PRR5L: variants seen among roughly 807,000 people sequenced by gnomAD.
The protein encoded by PRR5L is proline rich 5 like, also known as proline-rich protein 5-like.
Under a neutral mutation model 36.4 loss-of-function variants are expected in PRR5L, and 21 were observed. The observed-to-expected ratio is 0.58, with a 90% CI of 0.41 to 0.83. PRR5L has a LOEUF of 0.83. PRR5L is among the 40% of genes least tolerant of loss of function. The pLI is 0.00. For missense variants in PRR5L, 381 were observed against 473.3 expected, an observed-to-expected ratio of 0.80 and a Z score of 1.81; for synonymous variants, 188 against 197.0, an observed-to-expected ratio of 0.95 and a Z score of 0.38.
At chr11:36,350,059 A>G (rs1402078911) in intron 1 of PRR5L, 2 of 152,170 alleles carry the variant, frequency 1.3e-5, no homozygotes, top group Admixed American at 1.3e-4. Flanking sequence ...ACCCTGGAGA[A>G]AAAGAGGTCA....
intron 1 of PRR5L, among the ~76,000 whole-genome samples, chr11:36,359,341 GGAGA>G (rs545809448): frequency 3.7e-4 from 56 of 152,274 alleles, no homozygotes; most frequent in Non-Finnish European, 5.6e-4. Flanking sequence ...CTTCGGTGTT[GGAGA>G]GAGAGGTGAT....
chr11:36,397,090 T>C lies in PRR5L; in HGVS notation c.-125-3907T>C, dbSNP rs544357970. On this transcript the variant is annotated intron_variant, in intron 1 of 8. Coordinates refer to ENST00000530639, the MANE Select transcript of PRR5L (RefSeq NM_001160167.2). Reference sequence around the variant, plus strand: ...TTCTTTTTTTTTTTTTTTTTTGAGATGGAGTCTTGCTCTGTTGCCCAGGCT... The same window carrying C: ...TTCTTTTTTTTTTTTTTTTTTGAGACGGAGTCTTGCTCTGTTGCCCAGGCT... Among the ~76,000 whole-genome samples the C allele has an allele frequency of 1.2e-4, 17 of 146,924 alleles. No homozygotes were observed. The East Asian group carries it at 3.2e-3, about 28-fold the overall frequency.
At chr11:36,400,963 G>C (rs1298495164) in intron 1 of PRR5L, 34 bp from the exon 2 acceptor site, 1 of 1,421,552 alleles carries the variant, frequency 7.0e-7, no homozygotes, top group African/African-American at 1.4e-5. Flanking sequence ...TCTCAGGCCA[G>C]GAGTTCTCAA....
At chr11:36,372,209 A>G (rs1200703931) in intron 1 of PRR5L, among the ~76,000 whole-genome samples, 1 of 152,134 alleles carries the variant, frequency 6.6e-6, no homozygotes, top group Non-Finnish European at 1.5e-5. Context: ...TTGCCTGTGT[A>G]TAACTTCAAA....
chr11:36,319,840 T>A (rs771848540), intron 1 of PRR5L, among the ~76,000 whole-genome samples: 1 of 152,172 alleles, frequency 6.6e-6, no homozygotes, highest in East Asian at 1.9e-4. Context: ...AAATAAAGCA[T>A]AGACAAATTA....
rs553950273 is a variant in PRR5L, at chr11:36,415,753, C to T, written c.246-3502C>T. 2.0e-5 allele frequency among the ~76,000 whole-genome samples: 3 copies of T among 151,878 alleles called. No individual in the cohort carries two copies. The South Asian group carries it at 6.2e-4, about 31-fold the overall frequency. Reference sequence around the variant, plus strand: ...AGTGCAACTCTGTCTCAATAAAAAACAGTTAATTAATTAAAAAATAAATAA... The same window carrying T: ...AGTGCAACTCTGTCTCAATAAAAAATAGTTAATTAATTAAAAAATAAATAA... On this transcript the variant is annotated intron_variant, in intron 3 of 8. Coordinates refer to ENST00000530639, the MANE Select transcript of PRR5L (RefSeq NM_001160167.2).
chr11:36,327,127 A>G (rs1205851903), intron 1 of PRR5L, among the ~76,000 whole-genome samples: 2 of 152,236 alleles, frequency 1.3e-5, no homozygotes, highest in African/African-American at 2.4e-5. Context: ...AGGAGGAAAT[A>G]CTTCTCCTTT....
chr11:36,351,283 TATA>T (rs369958889), intron 1 of PRR5L, among the ~76,000 whole-genome samples: 1,860 of 23,100 alleles, frequency 0.081, 158 homozygotes, highest in East Asian at 0.51. Context: ...TATATATATG[TATA>T]TTTATATATT....
intron 1 of PRR5L, chr11:36,375,941 C>T (rs2133517631): frequency 5.5e-6 from 2 of 364,314 alleles, no homozygotes; most frequent in East Asian, 7.4e-5. Flanking sequence ...CTCTCTTCAG[C>T]TCCGCCCTGC....
chr11:36,380,214 T>C (rs941918258), intron 1 of PRR5L, among the ~76,000 whole-genome samples: 1 of 152,072 alleles, frequency 6.6e-6, no homozygotes, highest in African/African-American at 2.4e-5. Flanking sequence ...ATTCTGACAG[T>C]AGTGATGCCA....
intron 8 of PRR5L, among the ~76,000 whole-genome samples, chr11:36,460,841 T>C (rs1248305498): frequency 6.6e-6 from 1 of 152,240 alleles, no homozygotes; most frequent in Non-Finnish European, 1.5e-5. Context: ...TGGAGTCTGT[T>C]CCAGCCAGGC....
At chr11:36,371,203 G>A (rs1199099280) in intron 1 of PRR5L, among the ~76,000 whole-genome samples, 5 of 152,086 alleles carry the variant, frequency 3.3e-5, no homozygotes, top group Non-Finnish European at 7.4e-5. Flanking sequence ...CAGACTTCAG[G>A]GTTCTCAATT....
At chr11:36,351,307 T>G (rs1286618869) in intron 1 of PRR5L, among the ~76,000 whole-genome samples, 1 of 73,054 alleles carries the variant, frequency 1.4e-5, no homozygotes, top group Non-Finnish European at 2.3e-5. Flanking sequence ...TATATATATA[T>G]TTATATATAT....
intron 3 of PRR5L, among the ~76,000 whole-genome samples, chr11:36,408,669 A>G (rs1380476772): frequency 6.6e-6 from 1 of 152,170 alleles, no homozygotes; most frequent in Non-Finnish European, 1.5e-5. Context: ...AGTCTGGGTT[A>G]GAGGTTTGGG....
chr11:36,374,109 T>TTCCTGC (rs1351828227), intron 1 of PRR5L, among the ~76,000 whole-genome samples: 1,070 of 74,118 alleles, frequency 0.014, 22 homozygotes, highest in Non-Finnish European at 0.021. Flanking sequence ...TTCCTTCCTC[T>TTCCTGC]CTCTCTCTCT....
chr11:36,387,751 T>C (rs926790070), intron 1 of PRR5L, among the ~76,000 whole-genome samples: 8 of 152,182 alleles, frequency 5.3e-5, no homozygotes, highest in African/African-American at 1.9e-4. Flanking sequence ...AGGCTTACCT[T>C]ATACCTGGCT....
chr11:36,306,926 C>A (rs1449911058), intron 1 of PRR5L, among the ~76,000 whole-genome samples: 1 of 152,084 alleles, frequency 6.6e-6, no homozygotes, highest in Non-Finnish European at 1.5e-5. Context: ...AATAAAAGCA[C>A]CCCCCACATC....
chr11:36,423,947 C>G (rs1027096634), intron 4 of PRR5L, among the ~76,000 whole-genome samples: 27 of 152,216 alleles, frequency 1.8e-4, no homozygotes, highest in African/African-American at 6.3e-4. Flanking sequence ...TCTTGGGCTA[C>G]TCGCTGTGGG....
At chr11:36,357,119 TTGGA>T (rs2133498466) in intron 1 of PRR5L, among the ~76,000 whole-genome samples, 1 of 152,280 alleles carries the variant, frequency 6.6e-6, no homozygotes, top group African/African-American at 2.4e-5. Context: ...TGTTAGTGGT[TTGGA>T]TGGATGATCA....
Sources: allele counts gnomAD v4.1 joint callset (sites outside exome capture counted in the v4.1 genomes callset), GRCh38; gene constraint gnomAD v4.1.1; transcripts MANE v1.5; gene names NCBI Gene and HGNC (gene_info 2026-07-23, HGNC 2026-07-21).